RAB3C: variants seen among roughly 807,000 people sequenced by gnomAD.
RAB3C encodes RAB3C, member RAS oncogene family, also known as ras-related protein Rab-3C.
In RAB3C, 17 loss-of-function variants were observed where a neutral mutation model predicts 26.4. The observed-to-expected ratio is 0.64, with a 90% CI of 0.44 to 0.97. The LOEUF (loss-of-function observed/expected upper bound fraction) is 0.97, where lower values mean the gene tolerates loss of function less well. Among genes scored for constraint, RAB3C ranks in the 50% least tolerant of loss-of-function variants. The pLI is 0.00. For missense variants in RAB3C, 242 were observed against 281.9 expected (o/e 0.86, Z 1.01); for synonymous variants, 91 against 95.9 (o/e 0.95, Z 0.30).
chr5:58,651,542 C>T (rs1161082659), intron 2 of RAB3C, among the ~76,000 whole-genome samples: 1 of 152,118 alleles, frequency 6.6e-6, no homozygotes, highest in African/African-American at 2.4e-5. Context: ...GATATTAGTA[C>T]AGTAGTAATA....
chr5:58,582,474 T>A, upstream of RAB3C: 1 of 952,092 alleles, frequency 1.1e-6, no homozygotes, highest in Non-Finnish European at 1.3e-6. Context: ...TTCACGCACT[T>A]CGGTGTGCGG....
intron 2 of RAB3C, among the ~76,000 whole-genome samples, chr5:58,626,508 G>A (rs1478481267): frequency 1.3e-5 from 2 of 152,158 alleles, no homozygotes; most frequent in Non-Finnish European, 2.9e-5. Context: ...GTGGTTTTGT[G>A]ATCAAGAATG....
chr5:58,730,916 G>T (rs377451110), intron 3 of RAB3C, among the ~76,000 whole-genome samples: 22 of 152,222 alleles, frequency 1.4e-4, no homozygotes, highest in East Asian at 5.8e-4. Context: ...ATGGCAGAAG[G>T]TGAAGGAGGA....
chr5:58,675,103 T>C (rs1017142456), intron 2 of RAB3C, among the ~76,000 whole-genome samples: 2 of 152,034 alleles, frequency 1.3e-5, no homozygotes, highest in African/African-American at 4.8e-5. Context: ...AGTACTTTTC[T>C]CATGCTCCCC....
At chr5:58,774,682 T>A (rs925379248) in intron 3 of RAB3C, among the ~76,000 whole-genome samples, 3 of 152,100 alleles carry the variant, frequency 2.0e-5, no homozygotes, top group African/African-American at 7.2e-5. Context: ...GGAGTAGGGA[T>A]GCTACTTTAA....
chr5:58,694,727 G>A (rs921351661), intron 2 of RAB3C, among the ~76,000 whole-genome samples: 11 of 152,158 alleles, frequency 7.2e-5, no homozygotes, highest in Non-Finnish European at 1.3e-4. Context: ...CTGCATAGAT[G>A]TCTTCTTTTG....
intron 3 of RAB3C, among the ~76,000 whole-genome samples, chr5:58,807,749 A>AT (rs548029049): frequency 2.8e-4 from 43 of 152,258 alleles, no homozygotes; most frequent in Middle Eastern, 3.4e-3. Flanking sequence ...ATTGGGTATT[A>AT]TTAGGGCTTC....
At chr5:58,631,193 A>G (rs1412061728) in intron 2 of RAB3C, among the ~76,000 whole-genome samples, 1 of 152,204 alleles carries the variant, frequency 6.6e-6, no homozygotes. Flanking sequence ...CACTGCTCAA[A>G]TCTGGCTCAC....
chr5:58,646,480 C>T (rs551987303), intron 2 of RAB3C, among the ~76,000 whole-genome samples: 12 of 151,972 alleles, frequency 7.9e-5, no homozygotes, highest in Admixed American at 3.3e-4. Context: ...ACATTAACAG[C>T]GCAAGCTTCA....
Position 58,858,472 on chromosome 5 carries a change from G to A in RAB3C, c.*7121G>A, listed in dbSNP as rs939015058. The A allele has an allele frequency of 1.3e-5, 2 of 152,132 alleles. No homozygotes were observed. Among genetic ancestry groups the A allele is most frequent in the South Asian group, 2.1e-4 (1 of 4,828 alleles). The allele number at this position is 152,132 out of a possible 1,614,324, so 9.4% of individuals were successfully genotyped here. A position where few individuals can be genotyped will look rare whatever the true frequency, so the allele number is the denominator to read the frequency against. On this transcript the variant is annotated 3_prime_UTR_variant, in exon 5 of 5. Coordinates refer to ENST00000282878, the MANE Select transcript of RAB3C (RefSeq NM_138453.4). ...GAGGTATGGCTCCTGCCCCTAATGA[G>A]AACAAGGGGGAAAAATCCAGATATA...
chr5:58,643,918 T>C (rs1020351417), intron 2 of RAB3C, among the ~76,000 whole-genome samples: 2 of 152,120 alleles, frequency 1.3e-5, no homozygotes, highest in African/African-American at 4.8e-5. Flanking sequence ...GCCTCCTGGG[T>C]TCGAGAGATT....
chr5:58,652,700 G>GA (rs36112651), intron 2 of RAB3C, among the ~76,000 whole-genome samples: 291 of 146,392 alleles, frequency 2.0e-3, no homozygotes, highest in East Asian at 5.0e-3. Context: ...CTTGATAAAG[G>GA]AAAAAAAAAA....
At chr5:58,676,064 A>C (rs1032307387) in intron 2 of RAB3C, among the ~76,000 whole-genome samples, 3 of 152,034 alleles carry the variant, frequency 2.0e-5, no homozygotes, top group African/African-American at 7.2e-5. Context: ...ACTCATTTCG[A>C]AGAAAAAGTC....
At chr5:58,785,963 A>G (rs1303287524) in intron 3 of RAB3C, among the ~76,000 whole-genome samples, 3 of 152,228 alleles carry the variant, frequency 2.0e-5, no homozygotes. Flanking sequence ...TGAAGCTTCT[A>G]GATGCTGGAA....
In RAB3C at chr5:58,583,090, G is replaced by A. The variant is rs1209590163; in HGVS notation, c.-119G>A. ...GGACAGCTCCAGTGCTGATGTTGGA[G>A]CCGGTTAGCGAACCCCAAGAGTGCA... On this transcript the variant is annotated 5_prime_UTR_variant, in exon 1 of 5. Coordinates refer to ENST00000282878, the MANE Select transcript of RAB3C (RefSeq NM_138453.4). 3.8e-6 allele frequency: 6 copies of A among 1,560,588 alleles called. No homozygotes were observed. Among genetic ancestry groups the A allele is most frequent in the Non-Finnish European group, 4.3e-6 (5 of 1,156,446 alleles).
intron 1 of RAB3C, among the ~76,000 whole-genome samples, chr5:58,593,645 T>C (rs546322826): frequency 2.6e-5 from 4 of 152,224 alleles, no homozygotes; most frequent in Admixed American, 1.3e-4. Context: ...AATTACTTTC[T>C]TTTGCCAACT....
intron 2 of RAB3C, among the ~76,000 whole-genome samples, chr5:58,622,005 T>C (rs1461577284): frequency 6.6e-6 from 1 of 152,208 alleles, no homozygotes; most frequent in Non-Finnish European, 1.5e-5. Context: ...ACTGGATTAG[T>C]AGATTTGCAA....
intron 2 of RAB3C, among the ~76,000 whole-genome samples, chr5:58,644,699 A>G (rs1256669251): frequency 3.3e-5 from 5 of 152,240 alleles, no homozygotes; most frequent in Non-Finnish European, 7.3e-5. Context: ...TTCTTCATTT[A>G]AAGTTTAGCT....
intron 2 of RAB3C, among the ~76,000 whole-genome samples, chr5:58,689,976 A>G (rs1748529222): frequency 6.6e-6 from 1 of 152,166 alleles, no homozygotes; most frequent in African/African-American, 2.4e-5. Context: ...CTCGAAGTTT[A>G]TATGGCTCAC....
Sources: gnomAD v4.1 joint callset for allele counts (sites outside exome capture counted in the v4.1 genomes callset) on GRCh38, gnomAD v4.1.1 for gene constraint, MANE v1.5 for transcripts, NCBI Gene and HGNC (gene_info 2026-07-23, HGNC 2026-07-21) for gene names.